TPO: variants seen among roughly 807,000 people sequenced by gnomAD.
TPO encodes the protein thyroid microsomal antigen.
TPO carries 78 observed loss-of-function variants against 96.9 expected under a neutral mutation model. That is an observed-to-expected ratio of 0.81 (90% CI 0.67 to 0.97). TPO has a LOEUF of 0.97. TPO is among the 50% of genes least tolerant of loss of function. The pLI, the probability that TPO is intolerant of heterozygous loss-of-function variation, is 0.00. For synonymous variants in TPO, 547 were observed against 538.0 expected (o/e 1.02, Z -0.23); for missense variants, 1,252 against 1,274.8 (o/e 0.98, Z 0.27).
At chr2:1,403,217 T>C (rs1266232651) in intron 1 of TPO, among the ~76,000 whole-genome samples, 1 of 152,024 alleles carries the variant, frequency 6.6e-6, no homozygotes, top group Non-Finnish European at 1.5e-5. Flanking sequence ...TCTTCTGGGG[T>C]GTGTGGGAGC....
intron 10 of TPO, among the ~76,000 whole-genome samples, chr2:1,491,167 CAAAA>C (rs201015140): frequency 6.8e-6 from 1 of 146,748 alleles, no homozygotes; most frequent in Admixed American, 6.8e-5. Flanking sequence ...GAGACTCAGT[CAAAA>C]AAAAAACCAA....
upstream of TPO, among the ~76,000 whole-genome samples, chr2:1,411,185 T>C (rs1052661317): frequency 6.6e-6 from 1 of 152,206 alleles, no homozygotes; most frequent in African/African-American, 2.4e-5. Context: ...ACAGCTTCCA[T>C]TGTACTTGAT....
intron 3 of TPO, among the ~76,000 whole-genome samples, chr2:1,428,598 G>A (rs978609542): frequency 1.2e-4 from 18 of 152,136 alleles, no homozygotes; most frequent in African/African-American, 4.3e-4. Context: ...TGTCCCATGG[G>A]TGCCAGGCAA....
Position 1,496,041 on chromosome 2 carries a change from G to T in TPO, c.2059G>T (p.Glu687Ter). Residue 687 changes from glutamate (E) to a stop codon, truncating the protein, a stop_gained, in exon 12 of 17, where the codon GAG (glutamate) becomes TAG (stop). Transcript: ENST00000329066. LOFTEE classifies it high-confidence loss of function. ...CACGGATGCACAGAGGCGTGAGCTG[G>T]AGAAGCACTCCCTGTCTCGGGTCAT... ...VFTDAQRREL[E>*]KHSLSRVICD... The T allele has an allele frequency of 1.2e-6, 2 of 1,613,838 alleles. No individual in the cohort carries two copies. The highest frequency in any genetic ancestry group is 1.1e-5 in the South Asian group (1 of 91,042).
intron 15 of TPO, among the ~76,000 whole-genome samples, chr2:1,529,676 TGCAACC>T (rs1677565959): frequency 1.4e-5 from 1 of 70,712 alleles, no homozygotes; most frequent in Admixed American, 1.8e-4. Context: ...CCCCACTGTG[TGCAACC>T]TCCTCAAATC....
At chr2:1,436,119 CA>C in intron 4 of TPO, 132 bp from the exon 5 acceptor site, 1 of 1,413,424 alleles carries the variant, frequency 7.1e-7, no homozygotes, top group Non-Finnish European at 9.9e-7. Context: ...CAGATTTTCT[CA>C]AAAACAGTGA....
At chr2:1,500,206 A>G (rs1672737089) in intron 13 of TPO, among the ~76,000 whole-genome samples, 1 of 152,246 alleles carries the variant, frequency 6.6e-6, no homozygotes, top group East Asian at 1.9e-4. Context: ...GGGGAGCGCT[A>G]GGCTCTGCTC....
At chr2:1,421,801 C>T (rs143710355) in intron 2 of TPO, among the ~76,000 whole-genome samples, 1 of 152,296 alleles carries the variant, frequency 6.6e-6, no homozygotes, top group African/African-American at 2.4e-5. Flanking sequence ...TCCTGCGACG[C>T]CCAGGCCGCC....
rs1670957177 is a variant in TPO at position 1,484,684 on chromosome 2, C to T, written c.1427C>T (p.Thr476Ile). The T allele has an allele frequency of 6.2e-7, 1 of 1,614,206 alleles. No homozygotes were observed. The highest frequency in any genetic ancestry group is 2.2e-5 in the East Asian group (1 of 44,870). ...GGTCCCTATGAAGGCTATGACTCCA[C>T]CGCCAACCCCACTGTGTCCAACGTG... Reference protein sequence around the residue: ...YVGPYEGYDSTANPTVSNVFS... With the variant: ...YVGPYEGYDSIANPTVSNVFS... The change falls in exon 9 of 17, where the codon ACC (threonine) becomes ATC (isoleucine). Residue 476 changes from threonine to isoleucine, a missense_variant. Physicochemically the swap from Thr to Ile is moderately conservative, Grantham distance 89. Transcript: ENST00000329066.
At chr2:1,376,212 A>G (rs974162583) in intron 1 of TPO, among the ~76,000 whole-genome samples, 24 of 152,216 alleles carry the variant, frequency 1.6e-4, no homozygotes, top group African/African-American at 5.8e-4. Flanking sequence ...CCCAGGAACC[A>G]GGGCCATGCA....
chr2:1,528,337 CT>C (rs1402797595), intron 15 of TPO, among the ~76,000 whole-genome samples: 3 of 129,564 alleles, frequency 2.3e-5, no homozygotes, highest in African/African-American at 9.1e-5. Flanking sequence ...CCTCCCAAGT[CT>C]GCAACCCCCC....
Position 1,424,566 on chromosome 2 carries a change from C to A in TPO, c.179+1437C>A, listed in dbSNP as rs75105617. On this transcript the variant is annotated intron_variant, in intron 3 of 16. Coordinates refer to ENST00000329066, the MANE Select transcript of TPO (RefSeq NM_001206744.2). ...AACAGAACCCTTTTGAAATCAATGC[C>A]TTGATCCTAAGGATGCATTAGAGTG... 5.2e-3 allele frequency among the ~76,000 whole-genome samples: 790 copies of A among 152,282 alleles called. 9 individuals are homozygous for A. Among genetic ancestry groups the A allele is most frequent in the African/African-American group, 0.018 (763 of 41,548 alleles).
chr2:1,390,890 T>C (rs531467225), intron 1 of TPO, among the ~76,000 whole-genome samples: 3 of 152,350 alleles, frequency 2.0e-5, no homozygotes, highest in African/African-American at 7.2e-5. Context: ...TGTTTTTTTC[T>C]TGTAAATTTG....
At chr2:1,431,431 G>A (rs10890518) in intron 3 of TPO, among the ~76,000 whole-genome samples, 130,555 of 152,164 alleles carry the variant, frequency 0.86, 56,245 homozygotes, top group South Asian at 0.93. Context: ...TTTTCCTTAT[G>A]AATTACCCAT....
intron 1 of TPO, among the ~76,000 whole-genome samples, chr2:1,376,902 G>A (rs184808803): frequency 6.6e-6 from 1 of 152,276 alleles, no homozygotes; most frequent in Non-Finnish European, 1.5e-5. Context: ...AAGGGCACTG[G>A]CAGGATAACA....
chr2:1,505,829 T>C (rs1161168741), intron 14 of TPO, among the ~76,000 whole-genome samples: 1 of 142,922 alleles, frequency 7.0e-6, no homozygotes, highest in Non-Finnish European at 1.5e-5. Context: ...GGAGAAATTC[T>C]TGTGGCTTTC....
rs1342165578 is a variant in TPO, at chr2:1,496,142, T to G, written c.2160T>G (p.Ser720=). 1.2e-6 allele frequency: 2 copies of G among 1,614,024 alleles called. No homozygotes were observed. The highest frequency in any genetic ancestry group is 2.2e-5 in the South Asian group (2 of 91,074). Residue 720 remains serine (S), a synonymous_variant, in exon 12 of 17, where the codon TCT becomes TCG. Transcript: ENST00000329066. ...GCAAATTCCCCGAAGACTTTGAGTC[T>G]TGTGACAGCATCACTGGCATGAACC... ...QVGKFPEDFE[S]CDSITGMNLE...
intron 13 of TPO, 89 bp downstream of exon 13, chr2:1,496,854 A>C: frequency 6.3e-7 from 1 of 1,587,820 alleles, no homozygotes; most frequent in East Asian, 2.2e-5. Flanking sequence ...TTTCTTCGCC[A>C]AAAGGTGCTT....
At chr2:1,524,998 AC>A (rs1676105519) in intron 15 of TPO, among the ~76,000 whole-genome samples, 1 of 24,452 alleles carries the variant, frequency 4.1e-5, no homozygotes. Flanking sequence ...CCCCAAATCC[AC>A]CCAACTCTGA....
Sources: allele counts gnomAD v4.1 joint callset (sites outside exome capture counted in the v4.1 genomes callset), GRCh38; gene constraint gnomAD v4.1.1; transcripts MANE v1.5; gene names NCBI Gene and HGNC (gene_info 2026-07-23, HGNC 2026-07-21).